The following ARHGAP29 variants were observed in gnomAD, a reference collection of about 807,000 sequenced individuals.
The protein encoded by ARHGAP29 is Rho GTPase activating protein 29.
ARHGAP29 carries 43 observed loss-of-function variants against 122.6 expected under a neutral mutation model. The ratio of observed to expected loss-of-function variants is 0.35; its 90% CI spans 0.27 to 0.45. The LOEUF (loss-of-function observed/expected upper bound fraction) is 0.45. Among genes scored for constraint, ARHGAP29 ranks in the 20% least tolerant of loss-of-function variants. The pLI is 1.00. For synonymous variants in ARHGAP29, 506 were observed against 497.1 expected (o/e 1.02, Z -0.24); for missense variants, 1,303 against 1,477.2 (o/e 0.88, Z 1.93).
chr1:94,283,182 GCT>G, the ARHGAP29 span, among the ~76,000 whole-genome samples: 2 of 152,118 alleles, frequency 1.3e-5, no homozygotes, highest in African/African-American at 4.8e-5. Context: ...AAACAGGGAG[GCT>G]CTCTGTTTTT....
the ARHGAP29 span, among the ~76,000 whole-genome samples, chr1:94,284,624 T>C: frequency 6.6e-6 from 1 of 152,190 alleles, no homozygotes; most frequent in East Asian, 1.9e-4. Flanking sequence ...TGGAGGCAAC[T>C]TGGGTCCTGG....
chr1:94,300,807 G>A, the ARHGAP29 span, among the ~76,000 whole-genome samples: 2 of 151,498 alleles, frequency 1.3e-5, no homozygotes, highest in African/African-American at 4.9e-5. Flanking sequence ...ATACACATAA[G>A]CACTCAGCAA....
chr1:94,179,348 C>T (rs1262664387), intron 20 of ARHGAP29, among the ~76,000 whole-genome samples: 2 of 152,076 alleles, frequency 1.3e-5, no homozygotes, highest in Non-Finnish European at 2.9e-5. Flanking sequence ...GTAATCCCAG[C>T]ACTTTGGGAG....
chr1:94,226,967 C>T (rs1252545481), intron 2 of ARHGAP29, among the ~76,000 whole-genome samples: 1 of 151,902 alleles, frequency 6.6e-6, no homozygotes, highest in Non-Finnish European at 1.5e-5. Context: ...GTAAAAGTAA[C>T]AATGCAATTT....
chr1:94,198,472 A>G (rs1650606834), intron 12 of ARHGAP29, among the ~76,000 whole-genome samples: 1 of 152,174 alleles, frequency 6.6e-6, no homozygotes, highest in South Asian at 2.1e-4. Flanking sequence ...CCCTGTCTCA[A>G]AAAACAAAAA....
Position 94,173,978 on chromosome 1 carries a change from T to C in ARHGAP29, c.3677A>G (p.Asp1226Gly). ...ATCAGGCAAGCCAAGCTCCTCAGAGTCTTCTTTAGGTTGACCAGTTGCTTG... is the reference window on the plus strand; with the variant it reads ...ATCAGGCAAGCCAAGCTCCTCAGAGCCTTCTTTAGGTTGACCAGTTGCTTG... The part of the protein sequence containing the change: ...PGQATGQPKE[D>G]SEELGLPDVN... Residue 1226 changes from aspartate (D) to glycine (G), a missense_variant, in exon 23 of 23, where the codon GAC (aspartate) becomes GGC (glycine). Transcript: ENST00000260526. 3.1e-6 allele frequency: 5 copies of C among 1,614,074 alleles called. No individual in the cohort carries two copies. Among genetic ancestry groups the C allele is most frequent in the Non-Finnish European group, 4.2e-6 (5 of 1,179,998 alleles).
At chr1:94,267,382 A>G (rs6684485) in intron 1 of ARHGAP29, among the ~76,000 whole-genome samples, 3,994 of 152,286 alleles carry the variant, frequency 0.026, 182 homozygotes, top group African/African-American at 0.092. Context: ...ACCTATGTTA[A>G]GTACTGGGAT....
In ARHGAP29 at chr1:94,203,143, A is replaced by G. The variant is rs368132743; in HGVS notation, c.830T>C (p.Leu277Ser). The G allele has an allele frequency of 1.5e-5, 24 of 1,613,466 alleles. No homozygotes were observed. Among genetic ancestry groups the G allele is most frequent in the Non-Finnish European group, 1.9e-5 (23 of 1,179,770 alleles). ...CTGGAGAGCTGCAATTGTTTGTTGT[A>G]AAAGGTGACTGCTTTCTATATCATT... is the stretch of plus-strand genomic sequence containing the variant. ...LLNDIESSHL[L>S]QQTIAALQAN... Residue 277 changes from leucine to serine, a missense_variant, in exon 9 of 23, where the codon TTA becomes TCA. Around this residue, in one of 3 missense-constraint regions of ARHGAP29, gnomAD observed 592 missense variants for 648.2 expected, o/e 0.91. Coordinates refer to ENST00000260526, the MANE Select transcript of ARHGAP29 (RefSeq NM_004815.4).
the ARHGAP29 span, among the ~76,000 whole-genome samples, chr1:94,291,929 C>A: frequency 2.0e-5 from 3 of 152,092 alleles, no homozygotes. Context: ...AATTTTGTGT[C>A]TTGGGGTTGC....
In ARHGAP29 at chr1:94,177,604, C is replaced by T. The variant is rs146090842; in HGVS notation, c.2905+8G>A. On this transcript the variant is annotated splice_region_variant and intron_variant, in intron 22 of 22. Transcript: ENST00000260526. Reference sequence around the variant, plus strand: ...GCAAACATATTTTTTTTTTACATGGCTACTCACCACTGAGACATGCATCAC... The same window carrying T: ...GCAAACATATTTTTTTTTTACATGGTTACTCACCACTGAGACATGCATCAC... 2.7e-3 allele frequency: 4,256 copies of T among 1,584,400 alleles called. 7 individuals carry two copies. The highest frequency in any genetic ancestry group is 3.4e-3 in the Non-Finnish European group (4,000 of 1,165,570).
chr1:94,180,746 G>A (rs993580608), intron 19 of ARHGAP29, among the ~76,000 whole-genome samples: 2 of 152,142 alleles, frequency 1.3e-5, no homozygotes, highest in African/African-American at 2.4e-5. Flanking sequence ...CAATAAATGA[G>A]TAGCATGAAG....
At position 94,185,493 on chromosome 1, in the gene ARHGAP29, A is replaced by G; in HGVS notation, c.1781-12T>C. ...AAGGGAATTGGGTCCTTGCAAGAGA[A>G]ATAATTTACAAAAATTGTAAAATGA... On this transcript the variant is annotated splice_polypyrimidine_tract_variant and intron_variant, in intron 16 of 22. Transcript: ENST00000260526. 1 of 1,581,760 alleles carries G rather than the reference A, an allele frequency of 6.3e-7. No homozygotes were observed. The highest frequency in any genetic ancestry group is 1.4e-5 in the African/African-American group (1 of 73,188).
At chr1:94,286,960 C>T in the ARHGAP29 span, among the ~76,000 whole-genome samples, 10 of 152,206 alleles carry the variant, frequency 6.6e-5, no homozygotes, top group East Asian at 5.8e-4. Context: ...GATAGCATTA[C>T]GACACTATCA....
rs999865222 is a variant in ARHGAP29, at chr1:94,170,863, A to AT, written c.*3005dup. On this transcript the variant is annotated 3_prime_UTR_variant, in exon 23 of 23. Coordinates refer to ENST00000260526, the MANE Select transcript of ARHGAP29 (RefSeq NM_004815.4). ...CTTATTCTTAGGTAGAGTATTTTGT[A>AT]TTTTTTAATGATATTGAAGAGATCT... Among the ~76,000 whole-genome samples, 1 of 152,058 alleles carries AT rather than the reference A, an allele frequency of 6.6e-6. No homozygotes were observed.
intron 5 of ARHGAP29, among the ~76,000 whole-genome samples, chr1:94,207,319 G>A (rs1271592313): frequency 6.6e-6 from 1 of 151,592 alleles, no homozygotes. Context: ...TTTTTAAAGG[G>A]TATTTTTCAA....
At chr1:94,314,246 G>T in the ARHGAP29 span, among the ~76,000 whole-genome samples, 32 of 152,178 alleles carry the variant, frequency 2.1e-4, no homozygotes, top group African/African-American at 7.5e-4. Flanking sequence ...GCAGCCACTT[G>T]GTTTAAGAAT....
chr1:94,215,770 A>G (rs1312383344), intron 3 of ARHGAP29, among the ~76,000 whole-genome samples: 1 of 152,166 alleles, frequency 6.6e-6, no homozygotes, highest in Admixed American at 6.5e-5. Context: ...TGCAAAAATA[A>G]AAGACAAAAA....
At chr1:94,305,199 A>T in the ARHGAP29 span, among the ~76,000 whole-genome samples, 1 of 152,198 alleles carries the variant, frequency 6.6e-6, no homozygotes, top group Non-Finnish European at 1.5e-5. Flanking sequence ...TCCTCTGTGG[A>T]CCATGTAAGG....
At chr1:94,205,006 T>G in intron 7 of ARHGAP29, 55 bp downstream of exon 7, 1 of 1,446,490 alleles carries the variant, frequency 6.9e-7, no homozygotes, top group South Asian at 1.6e-5. Flanking sequence ...AAAAAATGAG[T>G]TAGAAACAAC....
Sources: allele counts gnomAD v4.1 joint callset (sites outside exome capture counted in the v4.1 genomes callset), GRCh38; gene constraint gnomAD v4.1.1; regional missense constraint gnomAD v4.1.1; transcripts MANE v1.5; gene names NCBI Gene and HGNC (gene_info 2026-07-23, HGNC 2026-07-21).